Variants in COL5A2 observed in about 807,000 individuals in gnomAD.
The protein encoded by COL5A2 is collagen alpha-2(V) chain.
A neutral mutation model predicts 208.2 loss-of-function variants in COL5A2; 23 were observed. That is an observed-to-expected ratio of 0.11 (90% CI 0.08 to 0.16). The LOEUF (loss-of-function observed/expected upper bound fraction) is 0.16, where lower values mean the gene tolerates loss of function less well. Among genes scored for constraint, COL5A2 ranks in the 10% least tolerant of loss-of-function variants. The probability of loss-of-function intolerance (pLI) is 1.00; values close to 1 mark genes in which losing one functional copy is unlikely to be tolerated. For missense variants in COL5A2, 1,590 were observed against 1,956.4 expected (o/e 0.81, Z 3.53); for synonymous variants, 625 against 628.5 (o/e 0.99, Z 0.08).
chr2:189,172,993 C>T (rs144183516), intron 1 of COL5A2, among the ~76,000 whole-genome samples: 3,266 of 103,384 alleles, frequency 0.032, 149 homozygotes, highest in African/African-American at 0.12. Context: ...TTTTTTGAGA[C>T]GGAGTCTCGT....
the COL5A2 span, among the ~76,000 whole-genome samples, chr2:189,323,351 T>C: frequency 6.6e-6 from 1 of 152,038 alleles, no homozygotes; most frequent in African/African-American, 2.4e-5. Flanking sequence ...AAATAAAGGG[T>C]ATTCAATTAG....
rs1395793259 is a variant in COL5A2 at position 189,045,820 on chromosome 2, C to A, written c.3289G>T (p.Ala1097Ser). Residue 1097 changes from alanine to serine, a missense_variant, in exon 46 of 54, where the codon GCA (alanine) becomes TCA (serine). Ala to Ser is a moderately conservative substitution (Grantham distance 99, BLOSUM62 1). Coordinates refer to ENST00000374866, the MANE Select transcript of COL5A2 (RefSeq NM_000393.5). ...CTTACCGGATCTCCTCTTTGTCCTG[C>A]ATCTCCTGGAGCACCCACAGGGCCA... Reference protein sequence around the residue: ...TPGPVGAPGDAGQRGDPGSRG... With the variant: ...TPGPVGAPGDSGQRGDPGSRG... 6 of 1,614,108 alleles carry A rather than the reference C, an allele frequency of 3.7e-6. No homozygotes were observed. The highest frequency in any genetic ancestry group is 1.1e-5 in the South Asian group (1 of 91,084).
At chr2:189,408,006 G>A in the COL5A2 span, among the ~76,000 whole-genome samples, 2 of 152,160 alleles carry the variant, frequency 1.3e-5, no homozygotes, top group African/African-American at 4.8e-5. Context: ...AAAGTAGACT[G>A]CATTACTTCA....
chr2:189,327,528 A>T, the COL5A2 span, among the ~76,000 whole-genome samples: 1 of 152,152 alleles, frequency 6.6e-6, no homozygotes, highest in Non-Finnish European at 1.5e-5. Flanking sequence ...AGAGGGGGAG[A>T]TGTGCAACTA....
At chr2:189,184,397 G>C (rs974081961), upstream of COL5A2, among the ~76,000 whole-genome samples, 1 of 152,146 alleles carries the variant, frequency 6.6e-6, no homozygotes, top group Non-Finnish European at 1.5e-5. Context: ...ACTGACTATG[G>C]CATAAAACGC....
chr2:189,068,960 G>A lies in COL5A2; in HGVS notation c.1159-76C>T, dbSNP rs72904419. ...ATTGTACAAAGTTGACCGCTTATTTGGAATTTTACATTTGAAACCCAAATA... is the reference window on the plus strand; with the variant it reads ...ATTGTACAAAGTTGACCGCTTATTTAGAATTTTACATTTGAAACCCAAATA... On this transcript the variant is annotated intron_variant, in intron 18 of 53. Coordinates refer to ENST00000374866, the MANE Select transcript of COL5A2 (RefSeq NM_000393.5). 151,017 of 1,046,386 alleles carry A rather than the reference G, an allele frequency of 0.14. 11,476 individuals are homozygous for A. Among genetic ancestry groups the A allele is most frequent in the Middle Eastern group, 0.23 (909 of 3,914 alleles). The allele number at this position is 1,046,386 out of a possible 1,614,324, so 64.8% of individuals were successfully genotyped here.
the COL5A2 span, among the ~76,000 whole-genome samples, chr2:189,262,127 T>C: frequency 6.6e-6 from 1 of 152,170 alleles, no homozygotes. Flanking sequence ...AGTTTCCAAA[T>C]GCTGACTCCT....
At chr2:189,201,005 G>A (rs1689062084) in intron 1 of COL5A2, among the ~76,000 whole-genome samples, 1 of 151,914 alleles carries the variant, frequency 6.6e-6, no homozygotes. Flanking sequence ...TGGAAACCTG[G>A]ATCTACACAC....
chr2:189,033,838 C>T lies in COL5A2; in HGVS notation c.*232G>A, dbSNP rs940787332. 6 of 578,158 alleles carry T rather than the reference C, an allele frequency of 1.0e-5. No homozygotes were observed. The highest frequency in any genetic ancestry group is 1.9e-5 in the African/African-American group (1 of 53,474). 35.8% of individuals were successfully genotyped at this position (578,158 alleles called of 1,614,324 possible). A position where few individuals can be genotyped will look rare whatever the true frequency, so the allele number is the denominator to read the frequency against. ...GGTCATTGTCATTGGTCATCTTAAACCTAAACTGTTGTATTGAAAAATATT... is the reference window on the plus strand; with the variant it reads ...GGTCATTGTCATTGGTCATCTTAAATCTAAACTGTTGTATTGAAAAATATT... On this transcript the variant is annotated 3_prime_UTR_variant, in exon 54 of 54. Coordinates refer to ENST00000374866, the MANE Select transcript of COL5A2 (RefSeq NM_000393.5).
At chr2:189,061,645 A>C in intron 29 of COL5A2, 30 bp from the exon 30 acceptor site, 2 of 1,533,538 alleles carry the variant, frequency 1.3e-6, no homozygotes, top group Non-Finnish European at 1.8e-6. Context: ...ATAATTGTGA[A>C]TATAACCAGA....
At chr2:189,420,967 T>C in the COL5A2 span, among the ~76,000 whole-genome samples, 2 of 152,146 alleles carry the variant, frequency 1.3e-5, no homozygotes, top group Non-Finnish European at 2.9e-5. Flanking sequence ...TTAAATATAT[T>C]TGAAATATTC....
intron 50 of COL5A2, 105 bp from the exon 51 acceptor site, chr2:189,039,668 A>G: frequency 1.8e-6 from 2 of 1,122,056 alleles, no homozygotes; most frequent in Non-Finnish European, 2.5e-6. Context: ...CCAATTTGAC[A>G]GTAAAGGGAG....
rs7582967 is a variant in COL5A2 at position 189,123,024 on chromosome 2, G to A, written c.98-12575C>T. ...TTGTTGCCCAGGCTGGAGTGCAATG[G>A]CACAATCTTGGCTCACCGCAACCTT... On this transcript the variant is annotated intron_variant, in intron 1 of 53. Coordinates refer to ENST00000374866, the MANE Select transcript of COL5A2 (RefSeq NM_000393.5). Among the ~76,000 whole-genome samples, 341 of 152,210 alleles carry A rather than the reference G, an allele frequency of 2.2e-3. 2 individuals carry two copies. Among genetic ancestry groups the A allele is most frequent in the African/African-American group, 7.9e-3 (328 of 41,540 alleles).
intron 1 of COL5A2, among the ~76,000 whole-genome samples, chr2:189,129,650 A>G (rs1249763564): frequency 6.6e-6 from 1 of 152,064 alleles, no homozygotes; most frequent in Non-Finnish European, 1.5e-5. Context: ...GATTTAGGAA[A>G]TCATTTTCAA....
the COL5A2 span, among the ~76,000 whole-genome samples, chr2:189,279,812 A>G: frequency 6.6e-6 from 1 of 152,140 alleles, no homozygotes; most frequent in African/African-American, 2.4e-5. Flanking sequence ...TTATTTATAA[A>G]TAGATTTGAT....
chr2:189,034,886 C>G (rs1228492344), intron 53 of COL5A2, 30 bp downstream of exon 53: 1 of 1,613,460 alleles, frequency 6.2e-7, no homozygotes, highest in Non-Finnish European at 8.5e-7. Context: ...TTTTCCTCAA[C>G]CAGATCAATG....
the COL5A2 span, among the ~76,000 whole-genome samples, chr2:189,380,894 A>G: frequency 2.6e-5 from 4 of 151,998 alleles, no homozygotes; most frequent in Admixed American, 2.0e-4. Context: ...AGAGAATATA[A>G]TATCTCTGAG....
At chr2:189,085,926 G>C (rs912558083) in intron 9 of COL5A2, among the ~76,000 whole-genome samples, 154 bp from the exon 10 acceptor site, 1 of 152,198 alleles carries the variant, frequency 6.6e-6, no homozygotes, top group Admixed American at 6.5e-5. Context: ...GTCTGTAACT[G>C]TTTCCTAATG....
intron 41 of COL5A2, 29 bp from the exon 42 acceptor site, chr2:189,051,510 G>A: frequency 6.3e-7 from 1 of 1,585,246 alleles, no homozygotes; most frequent in Non-Finnish European, 8.6e-7. Context: ...AAACACCAAG[G>A]AGGGCAAAAT....
Sources: gnomAD v4.1 joint callset for allele counts (sites outside exome capture counted in the v4.1 genomes callset) on GRCh38, gnomAD v4.1.1 for gene constraint, MANE v1.5 for transcripts, NCBI Gene and HGNC (gene_info 2026-07-23, HGNC 2026-07-21) for gene names.